Variants in NRXN3 observed in about 807,000 individuals in gnomAD.
The protein encoded by NRXN3 is neurexin III.
A neutral mutation model predicts 137.6 loss-of-function variants in NRXN3; 32 were observed. That is an observed-to-expected ratio of 0.23 (90% CI 0.18 to 0.31). The LOEUF is 0.31. Ranked by LOEUF, NRXN3 falls within the 10% of genes least tolerant of loss-of-function variation. The pLI is 1.00. For synonymous variants in NRXN3, 798 were observed against 784.5 expected, an observed-to-expected ratio of 1.02 and a Z score of -0.29; for missense variants, 1,574 against 2,062.5, an observed-to-expected ratio of 0.76 and a Z score of 4.59.
chr14:78,876,060 A>G (rs1040526861), intron 10 of NRXN3, among the ~76,000 whole-genome samples: 1 of 152,262 alleles, frequency 6.6e-6, no homozygotes, highest in East Asian at 1.9e-4. Context: ...TTTTAAGCTT[A>G]TTTGTATTCC....
intron 16 of NRXN3, among the ~76,000 whole-genome samples, chr14:79,639,456 T>C (rs535132617): frequency 1.3e-5 from 2 of 152,324 alleles, no homozygotes; most frequent in East Asian, 1.9e-4. Flanking sequence ...TAGTTGTAGT[T>C]GAGTACTAAT....
chr14:79,195,749 AG>A (rs2065044046), intron 15 of NRXN3, among the ~76,000 whole-genome samples: 1 of 152,234 alleles, frequency 6.6e-6, no homozygotes, highest in Non-Finnish European at 1.5e-5. Context: ...GGTAGAATGA[AG>A]ATACAATATA....
At chr14:78,589,062 A>G (rs1474520393) in intron 4 of NRXN3, among the ~76,000 whole-genome samples, 1 of 152,132 alleles carries the variant, frequency 6.6e-6, no homozygotes, top group African/African-American at 2.4e-5. Context: ...AGATGGAGGG[A>G]ATGCCAAGTG....
At chr14:79,125,154 C>T (rs2056177623) in intron 15 of NRXN3, among the ~76,000 whole-genome samples, 1 of 152,224 alleles carries the variant, frequency 6.6e-6, no homozygotes, top group Non-Finnish European at 1.5e-5. Flanking sequence ...AGATCTTCAT[C>T]TGGCTGTCCC....
chr14:79,582,554 G>A (rs2097726451), intron 16 of NRXN3, among the ~76,000 whole-genome samples: 1 of 152,032 alleles, frequency 6.6e-6, no homozygotes, highest in African/African-American at 2.4e-5. Context: ...CCGAGTAGCT[G>A]GGACTACAGG....
At chr14:79,792,443 G>A (rs747625413) in intron 19 of NRXN3, among the ~76,000 whole-genome samples, 1 of 152,166 alleles carries the variant, frequency 6.6e-6, no homozygotes, top group Admixed American at 6.5e-5. Context: ...CTACTCTGCT[G>A]TATTTAGTTA....
rs138251923 is a variant in NRXN3, at chr14:79,748,050, G to A, written c.4014+50113G>A. Among the ~76,000 whole-genome samples the A allele has an allele frequency of 3.6e-3, 550 of 152,130 alleles. 8 individuals are homozygous for A. Among genetic ancestry groups the A allele is most frequent in the African/African-American group, 0.012 (499 of 41,516 alleles). ...AACACACATTGGGGCCTGTCGGGGAGGGGGAGGGAGAGCATCAGGATAAAC... is the reference window on the plus strand; with the variant it reads ...AACACACATTGGGGCCTGTCGGGGAAGGGGAGGGAGAGCATCAGGATAAAC... On this transcript the variant is annotated intron_variant, in intron 19 of 20. Coordinates refer to ENST00000335750, the MANE Select transcript of NRXN3 (RefSeq NM_001330195.2).
chr14:79,470,660 G>C (rs2096488052), intron 16 of NRXN3, among the ~76,000 whole-genome samples: 1 of 152,164 alleles, frequency 6.6e-6, no homozygotes, highest in African/African-American at 2.4e-5. Flanking sequence ...TAAGGGAAGA[G>C]GACAGGGCTC....
chr14:79,502,249 CCTAAAA>C (rs1431577793), intron 16 of NRXN3, among the ~76,000 whole-genome samples: 1 of 152,122 alleles, frequency 6.6e-6, no homozygotes, highest in East Asian at 1.9e-4. Flanking sequence ...ACAACTTTCC[CCTAAAA>C]CAGAAAGGTG....
At chr14:79,620,927 A>C (rs922361876) in intron 16 of NRXN3, among the ~76,000 whole-genome samples, 2 of 152,248 alleles carry the variant, frequency 1.3e-5, no homozygotes, top group African/African-American at 4.8e-5. Flanking sequence ...GGGGAGATCT[A>C]CATTTAGGAA....
intron 4 of NRXN3, among the ~76,000 whole-genome samples, chr14:78,500,105 T>C (rs908509643): frequency 4.6e-5 from 7 of 152,166 alleles, no homozygotes; most frequent in Non-Finnish European, 1.0e-4. Flanking sequence ...GTCTTTTAGA[T>C]GCTTTATTTT....
chr14:78,869,860 G>C (rs2099097037), intron 10 of NRXN3, among the ~76,000 whole-genome samples: 1 of 152,082 alleles, frequency 6.6e-6, no homozygotes, highest in Admixed American at 6.6e-5. Context: ...CACTGCAATG[G>C]AATTGTTTGC....
intron 16 of NRXN3, among the ~76,000 whole-genome samples, chr14:79,623,276 C>G (rs530859572): frequency 1.3e-5 from 2 of 152,294 alleles, no homozygotes; most frequent in African/African-American, 4.8e-5. Context: ...CCCTCCTTGG[C>G]CACACTTTGT....
intron 20 of NRXN3, among the ~76,000 whole-genome samples, chr14:79,808,255 A>AATATAT (rs1162311378): frequency 7.2e-4 from 89 of 123,972 alleles, no homozygotes; most frequent in Admixed American, 1.6e-3. Context: ...AAAAAAAAAA[A>AATATAT]ATATATATAT....
chr14:79,246,090 G>A (rs943132371), intron 15 of NRXN3, among the ~76,000 whole-genome samples: 1 of 152,194 alleles, frequency 6.6e-6, no homozygotes, highest in African/African-American at 2.4e-5. Context: ...GCACTTCAAT[G>A]TAGTTTTCCT....
At chr14:78,846,610 A>T (rs1217167827) in intron 10 of NRXN3, among the ~76,000 whole-genome samples, 1 of 152,030 alleles carries the variant, frequency 6.6e-6, no homozygotes, top group Non-Finnish European at 1.5e-5. Flanking sequence ...CTGTCTCCTA[A>T]CCTGGCTTCC....
At chr14:78,263,415 T>C (rs1304580446) in intron 2 of NRXN3, among the ~76,000 whole-genome samples, 1 of 152,218 alleles carries the variant, frequency 6.6e-6, no homozygotes, top group African/African-American at 2.4e-5. Context: ...GATTGTACAG[T>C]TTTGACCCTG....
intron 4 of NRXN3, among the ~76,000 whole-genome samples, chr14:78,431,548 G>A (rs755720759): frequency 1.1e-4 from 17 of 152,094 alleles, no homozygotes; most frequent in Non-Finnish European, 2.1e-4. Flanking sequence ...TTTTGTGTAG[G>A]CAAAGGAACA....
At chr14:79,616,215 A>G (rs1337250287) in intron 16 of NRXN3, among the ~76,000 whole-genome samples, 1 of 152,082 alleles carries the variant, frequency 6.6e-6, no homozygotes, top group Non-Finnish European at 1.5e-5. Context: ...AGTTGGCTAC[A>G]TGGCTTTCAC....
Sources: allele counts gnomAD v4.1 joint callset (sites outside exome capture counted in the v4.1 genomes callset), GRCh38; gene constraint gnomAD v4.1.1; transcripts MANE v1.5; gene names NCBI Gene and HGNC (gene_info 2026-07-23, HGNC 2026-07-21).